Variants in PKHD1L1 observed in about 807,000 individuals in gnomAD.
The protein encoded by PKHD1L1 is fibrocystin-L.
PKHD1L1 carries 434 observed loss-of-function variants against 462.9 expected under a neutral mutation model. The ratio of observed to expected loss-of-function variants is 0.94; its 90% CI spans 0.87 to 1.02. The LOEUF (loss-of-function observed/expected upper bound fraction) is 1.02. PKHD1L1 is among the 50% of genes least tolerant of loss of function. The probability of loss-of-function intolerance (pLI) is 0.00; values close to 1 mark genes in which losing one functional copy is unlikely to be tolerated. For missense variants in PKHD1L1, 5,202 were observed against 5,096.1 expected (o/e 1.02, Z -0.63); for synonymous variants, 1,781 against 1,750.0 (o/e 1.02, Z -0.44).
chr8:109,515,058 A>G (rs1260165014), intron 71 of PKHD1L1, 112 bp from the exon 72 acceptor site: 1 of 857,272 alleles, frequency 1.2e-6, no homozygotes, highest in African/African-American at 1.8e-5. Context: ...CAAATCCATA[A>G]AACTTAGTTT....
intron 17 of PKHD1L1, among the ~76,000 whole-genome samples, chr8:109,407,457 C>G (rs1260366180): frequency 6.6e-6 from 1 of 151,946 alleles, no homozygotes; most frequent in Non-Finnish European, 1.5e-5. Flanking sequence ...AGACTTTACC[C>G]AACAAAAAGG....
At chr8:109,452,021 G>T in intron 41 of PKHD1L1, 103 bp from the exon 42 acceptor site, 3 of 1,036,800 alleles carry the variant, frequency 2.9e-6, no homozygotes, top group East Asian at 5.8e-5. Context: ...ATAGAATCAG[G>T]TCATTTTTTT....
At chr8:109,447,282 A>G (rs1343051171) in intron 38 of PKHD1L1, among the ~76,000 whole-genome samples, 1 of 152,186 alleles carries the variant, frequency 6.6e-6, no homozygotes, top group Non-Finnish European at 1.5e-5. Context: ...TCTCTTTAGT[A>G]TCTGTCACGT....
intron 19 of PKHD1L1, among the ~76,000 whole-genome samples, chr8:109,411,846 G>C (rs1813871973): frequency 6.6e-6 from 1 of 152,114 alleles, no homozygotes; most frequent in African/African-American, 2.4e-5. Context: ...TTGAGCCTTA[G>C]TACGATAATC....
chr8:109,436,313 GT>G, intron 29 of PKHD1L1, 24 bp from the exon 30 acceptor site: 1 of 1,595,966 alleles, frequency 6.3e-7, no homozygotes, highest in Non-Finnish European at 8.5e-7. Context: ...TTTTGTTGTT[GT>G]TTTTGTTTGC....
intron 16 of PKHD1L1, 91 bp from the exon 17 acceptor site, chr8:109,406,244 T>C: frequency 2.3e-6 from 3 of 1,291,106 alleles, no homozygotes; most frequent in Non-Finnish European, 3.1e-6. Context: ...GCTTTAAAAA[T>C]ATAAATACGA....
intron 12 of PKHD1L1, 36 bp downstream of exon 12, chr8:109,398,584 T>G (rs1448804039): frequency 2.0e-6 from 2 of 1,022,646 alleles, no homozygotes; most frequent in Middle Eastern, 2.1e-4. Context: ...CATTTCTATA[T>G]TCACATAAAA....
At chr8:109,513,086 G>A (rs943107924) in intron 71 of PKHD1L1, among the ~76,000 whole-genome samples, 24 of 151,354 alleles carry the variant, frequency 1.6e-4, no homozygotes, top group Middle Eastern at 3.4e-3. Context: ...TCAGCTTAAG[G>A]AGATTTTGGG....
In PKHD1L1 at chr8:109,440,763, C is replaced by T; in HGVS notation, c.4010C>T (p.Pro1337Leu). 6.2e-7 allele frequency: 1 copy of T among 1,612,818 alleles called. No homozygotes were observed. The highest frequency in any genetic ancestry group is 1.1e-5 in the South Asian group (1 of 91,008). Residue 1337 changes from proline to leucine, a missense_variant, in exon 33 of 78, where the codon CCA becomes CTA. Around this residue, in one of 3 missense-constraint regions of PKHD1L1, gnomAD observed 4,497 missense variants for 4,336.8 expected, o/e 1.04. Transcript: ENST00000378402. ...GTTTTAGAAGTGACCAGCATGTTTC[C>T]ACAAAGAGGCTCCTTGTTTGGTGGA... ...QYVLEVTSMFPQRGSLFGGTE... is the reference protein window; with the variant it reads ...QYVLEVTSMFLQRGSLFGGTE...
chr8:109,464,945 A>G lies in PKHD1L1; in HGVS notation c.8113A>G (p.Lys2705Glu), dbSNP rs1319288791. The G allele has an allele frequency of 1.9e-6, 3 of 1,613,818 alleles. No homozygotes were observed. Among genetic ancestry groups the G allele is most frequent in the Admixed American group, 3.3e-5 (2 of 59,970 alleles). Reference sequence around the variant, plus strand: ...GGGTGAAACCAATGGAGCGGTGATTAAAAATGCCAAAATAGTCGGCCATCT... The same window carrying G: ...GGGTGAAACCAATGGAGCGGTGATTGAAAATGCCAAAATAGTCGGCCATCT... ...GWGETNGAVI[K>E]NAKIVGHLDE... Residue 2705 changes from lysine (K) to glutamate (E), a missense_variant, in exon 49 of 78, where the codon AAA (lysine) becomes GAA (glutamate). Coordinates refer to ENST00000378402, the MANE Select transcript of PKHD1L1 (RefSeq NM_177531.6).
chr8:109,526,059 T>A (rs1820798372), intron 76 of PKHD1L1, among the ~76,000 whole-genome samples: 1 of 152,148 alleles, frequency 6.6e-6, no homozygotes, highest in African/African-American at 2.4e-5. Context: ...AAATAAATTA[T>A]AGGAAGGAAA....
At position 109,385,258 on chromosome 8, in the gene PKHD1L1, T is replaced by A. The variant is rs1390326424; in HGVS notation, c.476-279T>A. On this transcript the variant is annotated intron_variant, in intron 5 of 77. Coordinates refer to ENST00000378402, the MANE Select transcript of PKHD1L1 (RefSeq NM_177531.6). ...TTTTTGGTACAGAGATCTTTTTTTT[T>A]TTTTTCTCAAATAGTCACCGATTGA... Among the ~76,000 whole-genome samples, 8 of 151,796 alleles carry A rather than the reference T, an allele frequency of 5.3e-5. No homozygotes were observed. The East Asian group carries it at 1.5e-3, about 29-fold the overall frequency.
chr8:109,390,440 A>T lies in PKHD1L1; in HGVS notation c.698-12A>T. ...GGAATTTAATTGATTGTGTATTTTC[A>T]TTAAATTCCAGGTCATCACAATGTC... On this transcript the variant is annotated splice_polypyrimidine_tract_variant and intron_variant, in intron 8 of 77. Transcript: ENST00000378402. The T allele has an allele frequency of 7.1e-7, 1 of 1,404,390 alleles. No individual in the cohort carries two copies. The highest frequency in any genetic ancestry group is 9.6e-7 in the Non-Finnish European group (1 of 1,045,384). The allele number at this position is 1,404,390 out of a possible 1,614,324, so 87.0% of individuals were successfully genotyped here. A position where few individuals can be genotyped will look rare whatever the true frequency, so the allele number is the denominator to read the frequency against.
At chr8:109,443,638 G>A (rs748947126) in intron 36 of PKHD1L1, 38 bp from the exon 37 acceptor site, 1 of 1,450,938 alleles carries the variant, frequency 6.9e-7, no homozygotes, top group South Asian at 1.3e-5. Context: ...ATTTTGGAAT[G>A]TTATTCATGA....
rs1311253524 is a variant in PKHD1L1 at position 109,477,531 on chromosome 8, C to T, written c.9089+135C>T. On this transcript the variant is annotated intron_variant, in intron 53 of 77. Coordinates refer to ENST00000378402, the MANE Select transcript of PKHD1L1 (RefSeq NM_177531.6). Reference sequence around the variant, plus strand: ...AGGTTACAAAGTACTTTCACATTCACTGCTTTGCTTGAGCCTTACAAAAAC... The same window carrying T: ...AGGTTACAAAGTACTTTCACATTCATTGCTTTGCTTGAGCCTTACAAAAAC... 3.8e-6 allele frequency: 3 copies of T among 798,532 alleles called. No individual in the cohort carries two copies. In the African/African-American group the frequency reaches 5.4e-5, roughly 14 times the overall value. 49.5% of individuals were successfully genotyped at this position (798,532 alleles called of 1,614,324 possible).
chr8:109,498,574 G>A lies in PKHD1L1; in HGVS notation c.10711+1G>A, dbSNP rs775721920. 3 of 1,611,698 alleles carry A rather than the reference G, an allele frequency of 1.9e-6. No individual in the cohort carries two copies. The highest frequency in any genetic ancestry group is 1.7e-6 in the Non-Finnish European group (2 of 1,177,866). ...CATCGGAGTCCTAGATCTCCATCAG[G>A]TGAAAAATTTGAAACTTTAATGTTG... On this transcript the variant is annotated splice_donor_variant, in intron 66 of 77. Coordinates refer to ENST00000378402, the MANE Select transcript of PKHD1L1 (RefSeq NM_177531.6). LOFTEE classifies it high-confidence loss of function.
chr8:109,429,129 T>C (rs1263162560), intron 25 of PKHD1L1, among the ~76,000 whole-genome samples: 1 of 152,172 alleles, frequency 6.6e-6, no homozygotes, highest in Non-Finnish European at 1.5e-5. Context: ...TGTATGATAA[T>C]GCAATGGTCT....
chr8:109,524,245 G>C (rs1040977984), intron 76 of PKHD1L1, among the ~76,000 whole-genome samples: 4 of 152,086 alleles, frequency 2.6e-5, no homozygotes, highest in Non-Finnish European at 4.4e-5. Flanking sequence ...CTATGTAGTG[G>C]CACCCCTCTC....
intron 61 of PKHD1L1, 74 bp downstream of exon 61, chr8:109,491,175 C>T: frequency 3.6e-6 from 5 of 1,379,788 alleles, no homozygotes; most frequent in Non-Finnish European, 3.9e-6. Flanking sequence ...TAGAGCTACA[C>T]TGCCCAATTG....
Sources: allele counts gnomAD v4.1 joint callset (sites outside exome capture counted in the v4.1 genomes callset), GRCh38; gene constraint gnomAD v4.1.1; regional missense constraint gnomAD v4.1.1; transcripts MANE v1.5; gene names NCBI Gene and HGNC (gene_info 2026-07-23, HGNC 2026-07-21).